Variants in PDE3A observed in about 807,000 individuals in gnomAD.
The protein encoded by PDE3A is phosphodiesterase 3A, also known as cGMP-inhibited 3',5'-cyclic phosphodiesterase 3A.
PDE3A carries 43 observed loss-of-function variants against 98.3 expected under a neutral mutation model. The ratio of observed to expected loss-of-function variants is 0.44; its 90% CI spans 0.34 to 0.56. The LOEUF is 0.56. Ranked by LOEUF, PDE3A falls within the 20% of genes least tolerant of loss-of-function variation. The pLI is 0.01. For missense variants in PDE3A, 1,427 were observed against 1,440.7 expected, an observed-to-expected ratio of 0.99 and a Z score of 0.15; for synonymous variants, 663 against 567.9, an observed-to-expected ratio of 1.17 and a Z score of -2.38.
At chr12:20,445,722 T>C (rs1944942701) in intron 1 of PDE3A, among the ~76,000 whole-genome samples, 1 of 152,196 alleles carries the variant, frequency 6.6e-6, no homozygotes, top group African/African-American at 2.4e-5. Context: ...GTGTTGTTTA[T>C]TGTTTCTTCC....
chr12:20,578,127 A>C (rs564980904), intron 2 of PDE3A, among the ~76,000 whole-genome samples: 54 of 152,168 alleles, frequency 3.5e-4, no homozygotes, highest in Admixed American at 1.2e-3. Flanking sequence ...GGAGTTTCAC[A>C]CTATTCCAAA....
chr12:20,533,627 G>GC (rs1284210669), intron 1 of PDE3A, among the ~76,000 whole-genome samples: 1 of 151,230 alleles, frequency 6.6e-6, no homozygotes, highest in Non-Finnish European at 1.5e-5. Flanking sequence ...GAGTACAGGC[G>GC]CCACCACCAC....
At chr12:20,618,410 T>C (rs1446811744) in intron 4 of PDE3A, among the ~76,000 whole-genome samples, 1 of 119,276 alleles carries the variant, frequency 8.4e-6, no homozygotes, top group Non-Finnish European at 1.9e-5. Context: ...AAGGACTACA[T>C]TGATCAAAAG....
intron 15 of PDE3A, among the ~76,000 whole-genome samples, chr12:20,672,969 C>G (rs1361433099): frequency 2.7e-5 from 4 of 150,670 alleles, no homozygotes; most frequent in African/African-American, 7.3e-5. Flanking sequence ...GGGCTAATAT[C>G]CAGAATCTAC....
At position 20,629,954 on chromosome 12, in the gene PDE3A, T is replaced by G. The variant is rs61736591; in HGVS notation, c.1587T>G (p.Pro529=). The G allele has an allele frequency of 1.9e-6, 3 of 1,613,840 alleles. No individual in the cohort carries two copies. In the African/African-American group the frequency reaches 4.0e-5, roughly 22 times the overall value. The change falls in exon 6 of 16, where the codon CCT becomes CCG. Residue 529 remains proline (P), a synonymous_variant. Transcript: ENST00000359062. The part of the protein sequence containing the change: ...ISPLSSPCSS[P]LQGTPASSLV... The stretch of plus-strand genomic sequence containing the variant: ...CTCTTTCATCGCCCTGCTCCTCACC[T>G]CTCCAAGGGACTCCTGCCAGCAGCC...
At chr12:20,526,584 ATCT>A (rs1010971576) in intron 1 of PDE3A, among the ~76,000 whole-genome samples, 10 of 152,134 alleles carry the variant, frequency 6.6e-5, no homozygotes, top group African/African-American at 2.2e-4. Flanking sequence ...TGACCTACTA[ATCT>A]TCTTAATGAG....
chr12:20,658,155 T>C (rs1245141088), intron 15 of PDE3A, among the ~76,000 whole-genome samples: 1 of 152,258 alleles, frequency 6.6e-6, no homozygotes, highest in African/African-American at 2.4e-5. Flanking sequence ...ATGTATTTTA[T>C]TGACTTTCAT....
intron 15 of PDE3A, among the ~76,000 whole-genome samples, chr12:20,677,178 G>A (rs1235302953): frequency 6.6e-6 from 1 of 152,014 alleles, no homozygotes; most frequent in African/African-American, 2.4e-5. Flanking sequence ...TCATTCCAGA[G>A]TTTGTCTTTG....
rs185989111 is a variant in PDE3A at position 20,572,547 on chromosome 12, C to A, written c.1011+15837C>A. 9.2e-5 allele frequency among the ~76,000 whole-genome samples: 14 copies of A among 152,194 alleles called. No homozygotes were observed. In the East Asian group the frequency reaches 2.5e-3, roughly 27 times the overall value. On this transcript the variant is annotated intron_variant, in intron 2 of 15. Transcript: ENST00000359062. ...TTATAATCCTTATCTAGCACCAAAT[C>A]TACATTTATCTAAAGATTGACAATG...
chr12:20,504,892 G>T (rs1018783135), intron 1 of PDE3A, among the ~76,000 whole-genome samples: 1 of 151,922 alleles, frequency 6.6e-6, no homozygotes, highest in African/African-American at 2.4e-5. Context: ...AGTAACTTTT[G>T]CCATGTACGA....
intron 1 of PDE3A, among the ~76,000 whole-genome samples, chr12:20,471,343 C>T (rs11045271): frequency 0.13 from 19,293 of 152,088 alleles, 1,323 homozygotes; most frequent in African/African-American, 0.15. Context: ...AGGCCCCATC[C>T]GTGATCAATT....
At chr12:20,449,259 A>G (rs1945019240) in intron 1 of PDE3A, among the ~76,000 whole-genome samples, 1 of 152,210 alleles carries the variant, frequency 6.6e-6, no homozygotes, top group African/African-American at 2.4e-5. Flanking sequence ...TTGATGAAGT[A>G]ATAATCTGTG....
intron 2 of PDE3A, among the ~76,000 whole-genome samples, chr12:20,576,479 A>G (rs779084337): frequency 1.3e-5 from 2 of 152,128 alleles, no homozygotes; most frequent in Non-Finnish European, 2.9e-5. Context: ...AGACAGTACT[A>G]TATACAACTA....
chr12:20,552,031 G>T lies in PDE3A; in HGVS notation c.961-4629G>T, dbSNP rs1942221169. ...CCTAGTCCTGGCGGGGGGCTACGAGGATGACGTGGACCATGGGAATTTTTT... is the reference window on the plus strand; with the variant it reads ...CCTAGTCCTGGCGGGGGGCTACGAGTATGACGTGGACCATGGGAATTTTTT... On this transcript the variant is annotated intron_variant, in intron 1 of 15. Coordinates refer to ENST00000359062, the MANE Select transcript of PDE3A (RefSeq NM_000921.5). This position sits in a 1 kb window ranked among gnomAD's most constrained non-coding sequence, Gnocchi z 5.1. 35 of 1,612,338 alleles carry T rather than the reference G, an allele frequency of 2.2e-5. No homozygotes were observed. In the South Asian group the frequency reaches 3.8e-4, roughly 18 times the overall value.
intron 1 of PDE3A, chr12:20,449,903 GT>G: frequency 1.3e-6 from 1 of 789,012 alleles, no homozygotes; most frequent in Non-Finnish European, 2.0e-6. Context: ...CTCTTCGGTG[GT>G]TTGAATGGGA....
In PDE3A at chr12:20,675,963, G is replaced by C. The variant is rs73238477; in HGVS notation, c.3185-4067G>C. Among the ~76,000 whole-genome samples, 1,055 of 152,150 alleles carry C rather than the reference G, an allele frequency of 6.9e-3. 5 individuals carry two copies. Among genetic ancestry groups the C allele is most frequent in the African/African-American group, 0.025 (1,020 of 41,512 alleles). ...CTATGTCTTGTGAATGGAAATCTTAGTCTGTTTACACCCAAGGTGATTATC... is the reference window on the plus strand; with the variant it reads ...CTATGTCTTGTGAATGGAAATCTTACTCTGTTTACACCCAAGGTGATTATC... On this transcript the variant is annotated intron_variant, in intron 15 of 15. Coordinates refer to ENST00000359062, the MANE Select transcript of PDE3A (RefSeq NM_000921.5).
intron 2 of PDE3A, among the ~76,000 whole-genome samples, chr12:20,588,130 C>T (rs1244696802): frequency 2.0e-5 from 3 of 152,232 alleles, no homozygotes; most frequent in African/African-American, 4.8e-5. Flanking sequence ...ATGAAGAAGG[C>T]GGTAGGGGCA....
intron 8 of PDE3A, among the ~76,000 whole-genome samples, chr12:20,636,611 CTTAA>C (rs1217648693): frequency 9.9e-5 from 15 of 152,154 alleles, no homozygotes; most frequent in African/African-American, 2.6e-4. Flanking sequence ...TTAATATAAA[CTTAA>C]TTAATAATAG....
chr12:20,599,458 C>G (rs1943538852), intron 2 of PDE3A, among the ~76,000 whole-genome samples: 1 of 152,150 alleles, frequency 6.6e-6, no homozygotes, highest in South Asian at 2.1e-4. Flanking sequence ...GTACTTCTAA[C>G]CTCAACATTG....
Sources: allele counts gnomAD v4.1 joint callset (sites outside exome capture counted in the v4.1 genomes callset), GRCh38; gene constraint gnomAD v4.1.1; non-coding constraint Gnocchi (gnomAD v3.1); transcripts MANE v1.5; gene names NCBI Gene and HGNC (gene_info 2026-07-23, HGNC 2026-07-21).